RAMAC: variants seen among roughly 807,000 people sequenced by gnomAD.
RAMAC encodes RNA guanine-7 methyltransferase activating subunit.
A neutral mutation model predicts 17.9 loss-of-function variants in RAMAC; 11 were observed. The ratio of observed to expected loss-of-function variants is 0.61; its 90% CI spans 0.39 to 1.02. The LOEUF (loss-of-function observed/expected upper bound fraction) is 1.02, where lower values mean the gene tolerates loss of function less well. Among genes scored for constraint, RAMAC ranks in the 50% least tolerant of loss-of-function variants. The probability of loss-of-function intolerance (pLI) is 0.01; values close to 1 mark genes in which losing one functional copy is unlikely to be tolerated. For missense variants in RAMAC, 109 were observed against 144.0 expected (o/e 0.76, Z 1.25); for synonymous variants, 27 against 48.4 (o/e 0.56, Z 1.84).
rs930140650 is a variant in RAMAC at position 82,990,786 on chromosome 15, A to G, written c.*719A>G. 2.2e-5 allele frequency: 16 copies of G among 718,160 alleles called. No homozygotes were observed. The African/African-American group carries it at 2.7e-4, about 12-fold the overall frequency. The allele number at this position is 718,160 out of a possible 1,614,324, so 44.5% of individuals were successfully genotyped here. On this transcript the variant is annotated 3_prime_UTR_variant, in exon 4 of 4. Transcript: ENST00000304191. ...ACATAGCAGGTCAAAATTCACACAT[A>G]AGAAAGTTTAACTCTGTACTGTTCA...
At chr15:82,987,734 A>G (rs990677788) in intron 2 of RAMAC, among the ~76,000 whole-genome samples, 1 of 152,206 alleles carries the variant, frequency 6.6e-6, no homozygotes, top group African/African-American at 2.4e-5. Flanking sequence ...ACTAAGAGCA[A>G]TAGCCTGAAA....
Position 82,989,836 on chromosome 15 carries a change from T to C in RAMAC, c.171-45T>C, listed in dbSNP as rs115038311. The C allele has an allele frequency of 1.0e-3, 1,650 of 1,600,072 alleles. 15 individuals are homozygous for C. In the African/African-American group the frequency reaches 0.017, roughly 17 times the overall value. ...TGCTATGGGTTTGTCATATGTTTTTTTTAACAAGGGAAGTTTAAAGATCTT... is the reference window on the plus strand; with the variant it reads ...TGCTATGGGTTTGTCATATGTTTTTCTTAACAAGGGAAGTTTAAAGATCTT... On this transcript the variant is annotated intron_variant, in intron 3 of 3. Coordinates refer to ENST00000304191, the MANE Select transcript of RAMAC (RefSeq NM_031452.4).
intron 2 of RAMAC, chr15:82,988,782 C>T (rs565066539): frequency 2.1e-4 from 100 of 482,050 alleles, no homozygotes; most frequent in African/African-American, 1.6e-3. Flanking sequence ...TGCAGTGACC[C>T]GAGGTTGTGC....
intron 3 of RAMAC, among the ~76,000 whole-genome samples, chr15:82,989,628 A>T (rs2030772511): frequency 6.6e-6 from 1 of 152,232 alleles, no homozygotes. Context: ...ATTTCACTTT[A>T]ATTTGGAACT....
rs2030806181 is a variant in RAMAC at position 82,990,437 on chromosome 15, T to C, written c.*370T>C. The C allele has an allele frequency of 9.9e-6, 5 of 504,320 alleles. No individual in the cohort carries two copies. The East Asian group carries it at 1.2e-4, about 12-fold the overall frequency. The allele number at this position is 504,320 out of a possible 1,614,324, so 31.2% of individuals were successfully genotyped here. A position where few individuals can be genotyped will look rare whatever the true frequency, so the allele number is the denominator to read the frequency against. ...AGAGTATCCATATGCTTAGATGTGC[T>C]CGTTTCTAAAATTCTAGAGGTTGAT... On this transcript the variant is annotated 3_prime_UTR_variant, in exon 4 of 4. Transcript: ENST00000304191.
chr15:82,988,028 T>TC (rs1439926386), intron 2 of RAMAC, among the ~76,000 whole-genome samples: 1 of 96,292 alleles, frequency 1.0e-5, no homozygotes, highest in Non-Finnish European at 2.0e-5. Context: ...AGAGTGAAAC[T>TC]CCGTCTCAAA....
chr15:82,989,234 A>G (rs1303652097), intron 3 of RAMAC, 46 bp downstream of exon 3: 1 of 1,595,716 alleles, frequency 6.3e-7, no homozygotes, highest in Non-Finnish European at 8.5e-7. Flanking sequence ...CTGGCAGAGG[A>G]TAGCTTTAAT....
At chr15:82,987,802 G>A (rs893428630) in intron 2 of RAMAC, among the ~76,000 whole-genome samples, 4 of 152,110 alleles carry the variant, frequency 2.6e-5, no homozygotes, top group Non-Finnish European at 5.9e-5. Flanking sequence ...TACTTTGGGA[G>A]GCTGAGGCAG....
At chr15:82,989,829 T>C in intron 3 of RAMAC, 52 bp from the exon 4 acceptor site, 1 of 1,595,938 alleles carries the variant, frequency 6.3e-7, no homozygotes, top group Non-Finnish European at 8.6e-7. Context: ...GTTTGTCATA[T>C]GTTTTTTTTA....
rs371044787 is a variant in RAMAC at position 82,986,283 on chromosome 15, T to C, written c.-145T>C. The C allele has an allele frequency of 7.6e-4, 129 of 169,868 alleles. No homozygotes were observed. The highest frequency in any genetic ancestry group is 3.0e-3 in the African/African-American group (124 of 41,870). The allele number at this position is 169,868 out of a possible 1,614,324, so 10.5% of individuals were successfully genotyped here. A position where few individuals can be genotyped will look rare whatever the true frequency, so the allele number is the denominator to read the frequency against. ...TGGAGTGGTCTGGAGTTCCACGGTG[T>C]AGTGGACCAGAGGCCACCTCTCCTG... On this transcript the variant is annotated 5_prime_UTR_variant, in exon 1 of 4. Transcript: ENST00000304191.
At chr15:82,987,139 G>T (rs1007953554) in intron 1 of RAMAC, among the ~76,000 whole-genome samples, 197 bp from the exon 2 acceptor site, 2 of 152,040 alleles carry the variant, frequency 1.3e-5, no homozygotes, top group African/African-American at 4.8e-5. Context: ...GGCTGGTCTC[G>T]ATCTCTTGAC....
chr15:82,988,835 CAAAAA>C, intron 2 of RAMAC, 170 bp from the exon 3 acceptor site: 12 of 454,032 alleles, frequency 2.6e-5, no homozygotes, highest in South Asian at 1.0e-4. Context: ...GACCCTGTCT[CAAAAA>C]AAAAAAAAAA....
Position 82,989,181 on chromosome 15 carries a change from G to C in RAMAC, c.163G>C (p.Gly55Arg). The change falls in exon 3 of 4, where the codon GGC (glycine) becomes CGC (arginine). Residue 55 changes from glycine to arginine, a missense_variant. Gly to Arg is a moderately radical substitution (Grantham distance 125). Transcript: ENST00000304191. ...AGCTGGTGGGAACCAAAGAAACAGAGGCAATCGGTGTGTATTCAAAAGAAT... is the reference window on the plus strand; with the variant it reads ...AGCTGGTGGGAACCAAAGAAACAGACGCAATCGGTGTGTATTCAAAAGAAT... ...SRAGGNQRNR[G>R]NRLQDNRQFR... The C allele has an allele frequency of 5.0e-6, 8 of 1,612,358 alleles. No individual in the cohort carries two copies. Among genetic ancestry groups the C allele is most frequent in the Non-Finnish European group, 6.8e-6 (8 of 1,179,454 alleles).
rs769655886 is a variant in RAMAC at position 82,990,701 on chromosome 15, G to C, written c.*634G>C. 32 of 1,458,040 alleles carry C rather than the reference G, an allele frequency of 2.2e-5. 1 individual carries two copies. In the Admixed American group the frequency reaches 3.0e-4, roughly 13 times the overall value. The allele number at this position is 1,458,040 out of a possible 1,614,324, so 90.3% of individuals were successfully genotyped here. Reference sequence around the variant, plus strand: ...CATTGTCAGTTTGTGTCTTGATCTGGTGGTGGTTGGGATAAGGGTACACAT... The same window carrying C: ...CATTGTCAGTTTGTGTCTTGATCTGCTGGTGGTTGGGATAAGGGTACACAT... On this transcript the variant is annotated 3_prime_UTR_variant, in exon 4 of 4. Coordinates refer to ENST00000304191, the MANE Select transcript of RAMAC (RefSeq NM_031452.4).
Position 82,989,243 on chromosome 15 carries a change from A to G in RAMAC, c.170+55A>G, listed in dbSNP as rs2030756848. ...GTTGATCTGGCAGAGGATAGCTTTA[A>G]TCTGCTAGACTGGAAGGCCAGTGAG... On this transcript the variant is annotated intron_variant, in intron 3 of 3. Coordinates refer to ENST00000304191, the MANE Select transcript of RAMAC (RefSeq NM_031452.4). 3.2e-6 allele frequency: 5 copies of G among 1,577,696 alleles called. No individual in the cohort carries two copies. The South Asian group carries it at 5.8e-5, about 18-fold the overall frequency.
chr15:82,988,966 A>C (rs2030741539), intron 2 of RAMAC, 44 bp from the exon 3 acceptor site: 9 of 1,525,668 alleles, frequency 5.9e-6, no homozygotes, highest in Non-Finnish European at 7.9e-6. Context: ...GAGAGTGTTA[A>C]TTTTTAAATT....
chr15:82,989,919 G>A lies in RAMAC; in HGVS notation c.209G>A (p.Arg70Lys). The A allele has an allele frequency of 6.2e-7, 1 of 1,612,854 alleles. No individual in the cohort carries two copies. The highest frequency in any genetic ancestry group is 8.5e-7 in the Non-Finnish European group (1 of 1,179,590). ...AGACAGTTCAGAGGCAGGGACAACAGATGGGGGTGGCCAAGTGACAATCGA... is the reference window on the plus strand; with the variant it reads ...AGACAGTTCAGAGGCAGGGACAACAAATGGGGGTGGCCAAGTGACAATCGA... ...DNRQFRGRDN[R>K]WGWPSDNRSN... is the part of the protein sequence containing the mutation. The change falls in exon 4 of 4, where the codon AGA (arginine) becomes AAA (lysine). Residue 70 changes from arginine (R) to lysine (K), a missense_variant. Coordinates refer to ENST00000304191, the MANE Select transcript of RAMAC (RefSeq NM_031452.4).
chr15:82,988,835 CAA>C (rs111311452), intron 2 of RAMAC, 173 bp from the exon 3 acceptor site: 18,136 of 434,730 alleles, frequency 0.042, no homozygotes, highest in South Asian at 0.06. Context: ...GACCCTGTCT[CAA>C]AAAAAAAAAA....
chr15:82,989,103 T>C lies in RAMAC; in HGVS notation c.85T>C (p.Tyr29His), dbSNP rs1349545404. 6.2e-7 allele frequency: 1 copy of C among 1,613,948 alleles called. No homozygotes were observed. The change falls in exon 3 of 4, where the codon TAC (tyrosine) becomes CAC (histidine). Residue 29 changes from tyrosine (Y) to histidine (H), a missense_variant. Coordinates refer to ENST00000304191, the MANE Select transcript of RAMAC (RefSeq NM_031452.4). ...FTENDKEYQE[Y>H]LKRPPESPPI... ...AGAAAATGACAAGGAGTATCAGGAA[T>C]ACCTGAAACGCCCTCCTGAGTCTCC...
Sources: gnomAD v4.1 joint callset for allele counts (sites outside exome capture counted in the v4.1 genomes callset) on GRCh38, gnomAD v4.1.1 for gene constraint, MANE v1.5 for transcripts, NCBI Gene and HGNC (gene_info 2026-07-23, HGNC 2026-07-21) for gene names.